PCSK5: variants seen among roughly 807,000 people sequenced by gnomAD.
PCSK5 encodes prohormone convertase 5.
In PCSK5, 129 loss-of-function variants were observed where a neutral mutation model predicts 233.2. The observed-to-expected ratio is 0.55, with a 90% CI of 0.48 to 0.64. PCSK5 has a LOEUF of 0.64. Among genes scored for constraint, PCSK5 ranks in the 30% least tolerant of loss-of-function variants. The pLI is 0.00. For synonymous variants in PCSK5, 825 were observed against 879.2 expected, an observed-to-expected ratio of 0.94 and a Z score of 1.09; for missense variants, 2,076 against 2,430.1, an observed-to-expected ratio of 0.85 and a Z score of 3.06.
intron 13 of PCSK5, among the ~76,000 whole-genome samples, chr9:76,173,185 T>C (rs1823401302): frequency 6.6e-6 from 1 of 152,154 alleles, no homozygotes; most frequent in Non-Finnish European, 1.5e-5. Flanking sequence ...GAAATAAAAC[T>C]TACAAATCAC....
At chr9:75,922,267 C>T (rs181259753) in intron 1 of PCSK5, among the ~76,000 whole-genome samples, 52 of 152,198 alleles carry the variant, frequency 3.4e-4, no homozygotes, top group African/African-American at 1.3e-3. Context: ...AAAGAGTTCC[C>T]AAGGATTATT....
chr9:76,184,681 C>T lies in PCSK5; in HGVS notation c.2206C>T (p.Leu736Phe). The T allele has an allele frequency of 4.4e-6, 7 of 1,605,720 alleles. No homozygotes were observed. The highest frequency in any genetic ancestry group is 6.0e-6 in the Non-Finnish European group (7 of 1,173,944). The change falls in exon 17 of 38, where the codon CTT (leucine) becomes TTT (phenylalanine). Residue 736 changes from leucine (L) to phenylalanine (F), a missense_variant. Transcript: ENST00000674117. Reference sequence around the variant, plus strand: ...TCTCTTTTTTTTAACAGAGAAAAATCTTTGCCGGAAATGCAGTGAAAACTG... The same window carrying T: ...TCTCTTTTTTTTAACAGAGAAAAATTTTTGCCGGAAATGCAGTGAAAACTG... ...DGSYQDTKKN[L>F]CRKCSENCKT...
chr9:76,298,591 C>A (rs555191944), intron 27 of PCSK5, among the ~76,000 whole-genome samples: 1 of 152,214 alleles, frequency 6.6e-6, no homozygotes, highest in East Asian at 1.9e-4. Context: ...AAATGCATTC[C>A]ATAAAGTCCT....
At chr9:76,035,514 G>A (rs1828822764) in intron 5 of PCSK5, among the ~76,000 whole-genome samples, 1 of 152,116 alleles carries the variant, frequency 6.6e-6, no homozygotes, top group South Asian at 2.1e-4. Flanking sequence ...TCTGATTGAT[G>A]TTATAGGTTC....
At chr9:75,891,476 C>G in intron 1 of PCSK5, 103 bp downstream of exon 1, 1 of 950,104 alleles carries the variant, frequency 1.1e-6, no homozygotes, top group Non-Finnish European at 1.6e-6. Flanking sequence ...TGTGCTCTAG[C>G]AGCTGTTGCC....
chr9:75,909,917 C>T (rs973702615), intron 1 of PCSK5, among the ~76,000 whole-genome samples: 5 of 152,110 alleles, frequency 3.3e-5, no homozygotes, highest in South Asian at 2.1e-4. Context: ...AGAAGTGACT[C>T]GTGTCCCTTC....
chr9:76,155,996 A>G (rs1822558957), intron 10 of PCSK5, among the ~76,000 whole-genome samples: 4 of 152,200 alleles, frequency 2.6e-5, no homozygotes, highest in Admixed American at 2.6e-4. Context: ...GTAGAATGGA[A>G]CTACATCTGA....
chr9:75,896,137 A>G (rs914629911), intron 1 of PCSK5, among the ~76,000 whole-genome samples: 12 of 152,062 alleles, frequency 7.9e-5, no homozygotes, highest in African/African-American at 2.9e-4. Flanking sequence ...CCTGCTAGCC[A>G]CTCTCATATG....
At chr9:76,134,753 C>A (rs1822903012) in intron 10 of PCSK5, among the ~76,000 whole-genome samples, 1 of 151,910 alleles carries the variant, frequency 6.6e-6, no homozygotes. Context: ...TTATAATGTC[C>A]AGTCCTTATG....
intron 12 of PCSK5, among the ~76,000 whole-genome samples, chr9:76,163,879 TCCTGAATCTCCCTTATTGAG>T (rs1564072785): frequency 1.4e-3 from 167 of 118,142 alleles, no homozygotes; most frequent in South Asian, 2.1e-3. Flanking sequence ...TTTTTTTTTT[TCCTGAATCTCCCTTATTGAG>T]TTTTAGATTT....
In PCSK5 at chr9:76,335,315, G is replaced by A. The variant is rs75689208; in HGVS notation, c.4748+2705G>A. Among the ~76,000 whole-genome samples the A allele has an allele frequency of 1.5e-4, 23 of 152,306 alleles. No homozygotes were observed. The East Asian group carries it at 4.1e-3, about 27-fold the overall frequency. On this transcript the variant is annotated intron_variant, in intron 34 of 37. Transcript: ENST00000674117. ...TAAAGTTCCCCAGGGCTGGTGGGGG[G>A]AGGCACAGGTTGCCATAGATCTCTT...
At chr9:76,258,515 C>T (rs986612314) in intron 24 of PCSK5, among the ~76,000 whole-genome samples, 1 of 152,188 alleles carries the variant, frequency 6.6e-6, no homozygotes, top group African/African-American at 2.4e-5. Flanking sequence ...ACAGCCTGTA[C>T]ATTTGAAATA....
chr9:75,998,281 A>G (rs1460875082), intron 3 of PCSK5, among the ~76,000 whole-genome samples: 1 of 152,056 alleles, frequency 6.6e-6, no homozygotes, highest in Non-Finnish European at 1.5e-5. Flanking sequence ...GCTAATTCTG[A>G]CTTTTCTTTC....
rs1449086539 is a variant in PCSK5 at position 75,934,837 on chromosome 9, A to C, written c.297+2354A>C. ...TGACCTCAAGTGATCTGCCCGCCTC[A>C]GCCTCCCAAAGTGCTGGGATTACAG... On this transcript the variant is annotated intron_variant, in intron 2 of 37. Coordinates refer to ENST00000674117, the MANE Select transcript of PCSK5 (RefSeq NM_001372043.1). Among the ~76,000 whole-genome samples, 9 of 152,030 alleles carry C rather than the reference A, an allele frequency of 5.9e-5. No homozygotes were observed. In the East Asian group the frequency reaches 1.7e-3, roughly 29 times the overall value.
intron 24 of PCSK5, among the ~76,000 whole-genome samples, chr9:76,257,328 G>T (rs1192235065): frequency 1.3e-5 from 2 of 152,208 alleles, no homozygotes; most frequent in Non-Finnish European, 2.9e-5. Context: ...AAGTCACAGA[G>T]CAGACACCAG....
chr9:76,147,331 T>C (rs1823480282), intron 10 of PCSK5, among the ~76,000 whole-genome samples: 1 of 152,210 alleles, frequency 6.6e-6, no homozygotes, highest in Non-Finnish European at 1.5e-5. Flanking sequence ...ACTGACATCA[T>C]ATACTGTGCA....
At chr9:75,942,929 C>T (rs962066497) in intron 2 of PCSK5, among the ~76,000 whole-genome samples, 41 of 145,046 alleles carry the variant, frequency 2.8e-4, no homozygotes, top group African/African-American at 9.7e-4. Context: ...CTGTCACCCA[C>T]GCTGGAGAGC....
chr9:76,193,407 T>TAAAAATAAAAA lies in PCSK5; in HGVS notation c.2626+3666_2626+3667insTAAAAAAAAAA. ...AGACTTATAGATTATTCCATATTAT[T>TAAAAATAAAAA]AAAAAGAAAAAAGCCAAAAAGAAAA... On this transcript the variant is annotated intron_variant, in intron 20 of 37. Coordinates refer to ENST00000674117, the MANE Select transcript of PCSK5 (RefSeq NM_001372043.1). 6.6e-6 allele frequency: 4 copies of TAAAAATAAAAA among 608,306 alleles called. No individual in the cohort carries two copies. The Admixed American group carries it at 2.9e-4, about 44-fold the overall frequency. The allele number at this position is 608,306 out of a possible 1,614,324, so 37.7% of individuals were successfully genotyped here.
intron 1 of PCSK5, among the ~76,000 whole-genome samples, chr9:75,892,682 C>T (rs905591133): frequency 3.9e-5 from 6 of 152,214 alleles, no homozygotes; most frequent in Non-Finnish European, 2.9e-5. Flanking sequence ...GCCCCTCCTC[C>T]CCGCCGCCTG....
Sources: gnomAD v4.1 joint callset for allele counts (sites outside exome capture counted in the v4.1 genomes callset) on GRCh38, gnomAD v4.1.1 for gene constraint, MANE v1.5 for transcripts, NCBI Gene and HGNC (gene_info 2026-07-23, HGNC 2026-07-21) for gene names.